The following CCDC192 variants were observed in gnomAD, a reference collection of about 807,000 sequenced individuals.
CCDC192 encodes coiled-coil domain containing 192.
intron 3 of CCDC192, among the ~76,000 whole-genome samples, chr5:127,764,001 A>G (rs1270998185): frequency 6.6e-6 from 1 of 152,166 alleles, no homozygotes; most frequent in African/African-American, 2.4e-5. Flanking sequence ...CCTCCCGCCG[A>G]TAATAATTGC....
intron 6 of CCDC192, among the ~76,000 whole-genome samples, chr5:127,892,907 G>C (rs1179230383): frequency 6.6e-6 from 1 of 152,212 alleles, no homozygotes; most frequent in Non-Finnish European, 1.5e-5. Flanking sequence ...ATTGTCTCGA[G>C]TGACACAGAA....
intron 3 of CCDC192, among the ~76,000 whole-genome samples, chr5:127,779,586 C>T (rs931184948): frequency 2.6e-5 from 4 of 152,164 alleles, no homozygotes; most frequent in African/African-American, 7.2e-5. Flanking sequence ...TGAGCCACTG[C>T]GCCTAGCCTG....
rs139979718 is a variant in CCDC192, at chr5:127,791,973, A to G, written c.223-5130A>G. Among the ~76,000 whole-genome samples the G allele has an allele frequency of 2.3e-4, 35 of 152,324 alleles. 1 individual carries two copies. The highest frequency in any genetic ancestry group is 1.5e-3 in the Admixed American group (23 of 15,302). ...GTAAGGAAAATCAGGAGAATGATGT[A>G]TGAGCAAGTTGGGAATATACGTAAG... On this transcript the variant is annotated intron_variant, in intron 3 of 6. Transcript: ENST00000514853.
intron 6 of CCDC192, among the ~76,000 whole-genome samples, chr5:127,937,994 AC>A (rs755629190): frequency 6.6e-6 from 1 of 151,368 alleles, no homozygotes; most frequent in East Asian, 1.9e-4. Flanking sequence ...GTTCCAATGC[AC>A]CCCCCTCCAC....
intron 5 of CCDC192, among the ~76,000 whole-genome samples, chr5:127,856,872 A>G (rs776801659): frequency 1.9e-4 from 29 of 152,200 alleles, no homozygotes; most frequent in Non-Finnish European, 3.5e-4. Flanking sequence ...CAATAGTAAT[A>G]TCAAAGATCA....
At chr5:127,781,576 CTTT>C (rs1223496970) in intron 3 of CCDC192, among the ~76,000 whole-genome samples, 2 of 124,160 alleles carry the variant, frequency 1.6e-5, no homozygotes, top group Non-Finnish European at 1.8e-5. Flanking sequence ...CTAAGTATTC[CTTT>C]TTTTTTTTTT....
intron 3 of CCDC192, among the ~76,000 whole-genome samples, chr5:127,767,489 T>C (rs1418684837): frequency 6.6e-6 from 1 of 152,228 alleles, no homozygotes; most frequent in Non-Finnish European, 1.5e-5. Context: ...TCTGTGTAAT[T>C]ACTTTATGTC....
chr5:127,854,119 A>G (rs1750943339), intron 5 of CCDC192, among the ~76,000 whole-genome samples: 2 of 152,094 alleles, frequency 1.3e-5, no homozygotes, highest in Admixed American at 6.6e-5. Context: ...CACTCTCTTG[A>G]TTCCTTCCTC....
chr5:127,933,246 G>A (rs560187907), intron 6 of CCDC192, among the ~76,000 whole-genome samples: 1 of 152,198 alleles, frequency 6.6e-6, no homozygotes, highest in Admixed American at 6.5e-5. Context: ...ACGAAAAGTC[G>A]CTGGAGGATT....
chr5:127,921,167 A>AGG (rs1330763843), intron 6 of CCDC192, among the ~76,000 whole-genome samples: 15 of 151,764 alleles, frequency 9.9e-5, no homozygotes, highest in African/African-American at 3.1e-4. Context: ...GAGAAAAGAA[A>AGG]AGAAAAGAAA....
At chr5:127,728,599 A>C (rs1287238550) in intron 2 of CCDC192, among the ~76,000 whole-genome samples, 1 of 152,238 alleles carries the variant, frequency 6.6e-6, no homozygotes, top group Admixed American at 6.5e-5. Flanking sequence ...AACACACTGA[A>C]GTACAAAGAC....
chr5:127,753,109 G>C (rs1754328021), intron 2 of CCDC192, among the ~76,000 whole-genome samples: 1 of 152,182 alleles, frequency 6.6e-6, no homozygotes, highest in Non-Finnish European at 1.5e-5. Context: ...GACCGGAGCT[G>C]TTCCTATTCG....
intron 6 of CCDC192, among the ~76,000 whole-genome samples, chr5:127,900,205 GA>G (rs982687508): frequency 1.3e-5 from 2 of 151,924 alleles, no homozygotes; most frequent in African/African-American, 2.4e-5. Flanking sequence ...AAATTTTGTT[GA>G]AAAAAAATAT....
At chr5:127,762,364 C>T (rs1430692203) in intron 3 of CCDC192, among the ~76,000 whole-genome samples, 1 of 152,198 alleles carries the variant, frequency 6.6e-6, no homozygotes, top group Non-Finnish European at 1.5e-5. Flanking sequence ...ATTGATTTTA[C>T]AGCAGACAAG....
At chr5:127,765,886 T>C (rs764000843) in intron 3 of CCDC192, among the ~76,000 whole-genome samples, 23 of 152,178 alleles carry the variant, frequency 1.5e-4, no homozygotes, top group Non-Finnish European at 3.1e-4. Context: ...GAGTTGTCCA[T>C]ATTATGGAGA....
intron 6 of CCDC192, among the ~76,000 whole-genome samples, chr5:127,913,991 A>C (rs1363939085): frequency 6.6e-6 from 1 of 152,236 alleles, no homozygotes; most frequent in Non-Finnish European, 1.5e-5. Context: ...GAATGTGAAT[A>C]AAAATGGAGA....
At chr5:127,760,494 A>G (rs1754852187) in intron 3 of CCDC192, among the ~76,000 whole-genome samples, 1 of 151,886 alleles carries the variant, frequency 6.6e-6, no homozygotes, top group Admixed American at 6.6e-5. Flanking sequence ...CATTTATAAC[A>G]AGTTCCCATC....
rs112360724 is a variant in CCDC192, at chr5:127,786,587, C to A, written c.223-10516C>A. On this transcript the variant is annotated intron_variant, in intron 3 of 6. Coordinates refer to ENST00000514853, the MANE Select transcript of CCDC192 (RefSeq NM_001317938.2). The stretch of plus-strand genomic sequence containing the variant: ...GCAAGGGAATAGATTTCACATATTC[C>A]TTTCGTCCTTTGTCACATTCACGGT... The A allele has an allele frequency of 6.9e-3, 4,994 of 721,060 alleles. 174 individuals are homozygous for A. The African/African-American group carries it at 0.075, about 11-fold the overall frequency. The allele number at this position is 721,060 out of a possible 1,614,324, so 44.7% of individuals were successfully genotyped here. A position where few individuals can be genotyped will look rare whatever the true frequency, so the allele number is the denominator to read the frequency against.
At chr5:127,704,309 C>T (rs248723) in intron 1 of CCDC192, among the ~76,000 whole-genome samples, 47,591 of 152,068 alleles carry the variant, frequency 0.31, 8,299 homozygotes, top group Middle Eastern at 0.43. Context: ...CCACTTCAGC[C>T]TCCTGAGTAG....
Sources: gnomAD v4.1 joint callset for allele counts (sites outside exome capture counted in the v4.1 genomes callset) on GRCh38, gnomAD v4.1.1 for gene constraint, MANE v1.5 for transcripts, NCBI Gene and HGNC (gene_info 2026-07-23, HGNC 2026-07-21) for gene names.